The following KLF8 variants were observed in gnomAD, a reference collection of about 807,000 sequenced individuals.
The protein encoded by KLF8 is KLF transcription factor 8.
In KLF8, 10 loss-of-function variants were observed where a neutral mutation model predicts 18.2. The observed-to-expected ratio is 0.55, with a 90% CI of 0.34 to 0.93. KLF8 has a LOEUF of 0.93. KLF8 is among the 40% of genes least tolerant of loss of function. The pLI is 0.02. For synonymous variants in KLF8, 109 were observed against 97.3 expected, an observed-to-expected ratio of 1.12 and a Z score of -0.71; for missense variants, 264 against 277.9, an observed-to-expected ratio of 0.95 and a Z score of 0.36.
chrX:56,161,895 G>A, the KLF8 span, among the ~76,000 whole-genome samples: 1 of 111,440 alleles, frequency 9.0e-6, no homozygotes, highest in African/African-American at 3.3e-5. Flanking sequence ...CCCCATCTTT[G>A]TGGTTTTATC....
At chrX:56,202,424 CA>C in the KLF8 span, among the ~76,000 whole-genome samples, 1 of 111,144 alleles carries the variant, frequency 9.0e-6, no homozygotes, top group Non-Finnish European at 1.9e-5. Flanking sequence ...CTTTGAGTTA[CA>C]AACAATCCAA....
At chrX:55,956,384 A>G in the KLF8 span, among the ~76,000 whole-genome samples, 1 of 111,112 alleles carries the variant, frequency 9.0e-6, no homozygotes, top group African/African-American at 3.3e-5. Context: ...TGTCTTTGAG[A>G]CTCTGCTTTT....
chrX:56,095,642 GGA>G, the KLF8 span, among the ~76,000 whole-genome samples: 159 of 110,532 alleles, frequency 1.4e-3, no homozygotes, highest in Non-Finnish European at 2.3e-3. Flanking sequence ...AAATGGGAAG[GGA>G]TATGAACAAC....
At chrX:56,171,760 T>C in the KLF8 span, among the ~76,000 whole-genome samples, 5 of 111,946 alleles carry the variant, frequency 4.5e-5, no homozygotes, top group Non-Finnish European at 7.5e-5. Context: ...ATTTTCTTAA[T>C]CCAGTCTATC....
the KLF8 span, among the ~76,000 whole-genome samples, chrX:56,122,214 G>A: frequency 9.0e-6 from 1 of 110,976 alleles, no homozygotes; most frequent in South Asian, 3.8e-4. Flanking sequence ...TGACATATAT[G>A]AAAAAAACAA....
At chrX:56,132,316 A>G in the KLF8 span, among the ~76,000 whole-genome samples, 1 of 111,771 alleles carries the variant, frequency 8.9e-6, no homozygotes, top group African/African-American at 3.2e-5. Flanking sequence ...ATAAAATTGG[A>G]AATCAACTCC....
In KLF8 at chrX:56,288,490, G is replaced by T. The variant is rs1400057619; in HGVS notation, c.*3996G>T. Among the ~76,000 whole-genome samples the T allele has an allele frequency of 1.8e-5, 2 of 110,489 alleles. No homozygotes were observed. The highest frequency in any genetic ancestry group is 6.6e-5 in the African/African-American group (2 of 30,248). On this transcript the variant is annotated 3_prime_UTR_variant, in exon 6 of 6. Coordinates refer to ENST00000468660, the MANE Select transcript of KLF8 (RefSeq NM_007250.5). ...GTGCCATTTTCATCACATCATACAG[G>T]CATACTTTGGAGACAATGCAGATTT...
chrX:56,268,892 C>T, intron 3 of KLF8: 1 of 939,233 alleles, frequency 1.1e-6, no homozygotes, highest in Non-Finnish European at 1.3e-6. Context: ...CGTTTCATCT[C>T]ATTGACTTAT....
At chrX:56,018,893 C>T in the KLF8 span, among the ~76,000 whole-genome samples, 13 of 110,507 alleles carry the variant, frequency 1.2e-4, no homozygotes, top group African/African-American at 3.9e-4. Flanking sequence ...AACTTTCAAG[C>T]TGTAGGAATC....
At chrX:55,938,422 G>A in the KLF8 span, among the ~76,000 whole-genome samples, 1 of 111,662 alleles carries the variant, frequency 9.0e-6, no homozygotes, top group South Asian at 3.8e-4. Context: ...GCAAAAACAT[G>A]CCAAATTGTA....
At chrX:56,227,959 A>G (rs1339182305), upstream of KLF8, among the ~76,000 whole-genome samples, 5 of 110,040 alleles carry the variant, frequency 4.5e-5, no homozygotes, top group African/African-American at 1.7e-4. Flanking sequence ...AGCCTGAGGC[A>G]CAACTAAATT....
At chrX:56,103,842 G>A in the KLF8 span, among the ~76,000 whole-genome samples, 13 of 111,230 alleles carry the variant, frequency 1.2e-4, no homozygotes, top group Non-Finnish European at 2.5e-4. Context: ...GATATTGGCT[G>A]TGGGTTTGTC....
the KLF8 span, among the ~76,000 whole-genome samples, chrX:56,190,195 A>G: frequency 9.0e-6 from 1 of 111,322 alleles, no homozygotes; most frequent in East Asian, 2.8e-4. Flanking sequence ...CTTTTATCAG[A>G]CAAAGTAGAT....
chrX:56,152,631 G>C, the KLF8 span, among the ~76,000 whole-genome samples: 2 of 111,211 alleles, frequency 1.8e-5, no homozygotes, highest in Non-Finnish European at 3.8e-5. Flanking sequence ...GAAATAAGTG[G>C]GTGAAACTTG....
At chrX:55,979,901 T>C in the KLF8 span, among the ~76,000 whole-genome samples, 8 of 111,228 alleles carry the variant, frequency 7.2e-5, no homozygotes, top group Admixed American at 7.7e-4. Flanking sequence ...GAGATGGGAA[T>C]ACCAGGAAAT....
chrX:56,138,395 A>G, the KLF8 span, among the ~76,000 whole-genome samples: 34 of 111,745 alleles, frequency 3.0e-4, no homozygotes, highest in East Asian at 8.4e-3. Context: ...ATCCCTAATG[A>G]ACATTGATGC....
intron 1 of KLF8, among the ~76,000 whole-genome samples, chrX:56,244,662 A>C (rs1005138709): frequency 9.8e-5 from 11 of 112,269 alleles, no homozygotes; most frequent in African/African-American, 2.9e-4. Context: ...TTCCATTATT[A>C]ATGTCATGCT....
At chrX:56,040,879 TC>T in the KLF8 span, among the ~76,000 whole-genome samples, 4 of 47,893 alleles carry the variant, frequency 8.4e-5, no homozygotes, top group African/African-American at 2.3e-4. Flanking sequence ...ATCTGTCTGG[TC>T]TTGGGCTTTT....
chrX:56,199,407 C>T, the KLF8 span, among the ~76,000 whole-genome samples: 2 of 111,667 alleles, frequency 1.8e-5, no homozygotes, highest in African/African-American at 6.5e-5. Context: ...AAACAAACAA[C>T]CCCATCAAAA....
Sources: gnomAD v4.1 joint callset for allele counts (sites outside exome capture counted in the v4.1 genomes callset) on GRCh38, gnomAD v4.1.1 for gene constraint, MANE v1.5 for transcripts, NCBI Gene and HGNC (gene_info 2026-07-23, HGNC 2026-07-21) for gene names.